PLPPR3: variants seen among roughly 807,000 people sequenced by gnomAD.
PLPPR3 encodes the protein phospholipid phosphatase related 3, also known as phospholipid phosphatase-related protein type 3.
PLPPR3 carries 14 observed loss-of-function variants against 27.3 expected under a neutral mutation model. That is an observed-to-expected ratio of 0.51 (90% CI 0.34 to 0.80). The LOEUF (loss-of-function observed/expected upper bound fraction) is 0.80. Among genes scored for constraint, PLPPR3 ranks in the 30% least tolerant of loss-of-function variants. The pLI is 0.01. For missense variants in PLPPR3, 1,287 were observed against 1,056.9 expected, an observed-to-expected ratio of 1.22 and a Z score of -3.02; for synonymous variants, 671 against 508.0, an observed-to-expected ratio of 1.32 and a Z score of -4.32.
chr19:816,494 C>T (rs1480484964), intron 2 of PLPPR3, among the ~76,000 whole-genome samples: 1 of 150,658 alleles, frequency 6.6e-6, no homozygotes, highest in Non-Finnish European at 1.5e-5. Flanking sequence ...CCCAGCCATT[C>T]ATTCACCCAT....
At chr19:815,410 G>A in intron 3 of PLPPR3, 83 bp from the exon 4 acceptor site, 1 of 1,399,448 alleles carries the variant, frequency 7.1e-7, no homozygotes, top group South Asian at 1.4e-5. Flanking sequence ...AGTGCCCACA[G>A]GCTGGCACAG....
Position 812,849 on chromosome 19 carries a change from G to A in PLPPR3, c.1878C>T (p.Arg626=). The A allele has an allele frequency of 3.5e-6, 4 of 1,144,852 alleles. No homozygotes were observed. Among genetic ancestry groups the A allele is most frequent in the African/African-American group, 1.7e-5 (1 of 59,334 alleles). 70.9% of individuals were successfully genotyped at this position (1,144,852 alleles called of 1,614,324 possible). A position where few individuals can be genotyped will look rare whatever the true frequency, so the allele number is the denominator to read the frequency against. Residue 626 remains arginine, a synonymous_variant, in exon 8 of 8, where the codon CGC becomes CGT. Coordinates refer to ENST00000520876, the MANE Select transcript of PLPPR3 (RefSeq NM_001270366.2). ...DGGYELGDLA[R]GFRGGAKPPG... ...GGGGCTTGGCCCCGCCGCGGAAGCC[G>A]CGCGCCAGGTCCCCCAGCTCGTAGC...
chr19:823,445 A>AAAAACAAAAC (rs1555703839), upstream of PLPPR3, among the ~76,000 whole-genome samples: 5 of 132,790 alleles, frequency 3.8e-5, no homozygotes, highest in African/African-American at 1.7e-4. Flanking sequence ...CTATCTCAAA[A>AAAAACAAAAC]AAAAAAAAAA....
intron 2 of PLPPR3, among the ~76,000 whole-genome samples, chr19:818,961 A>AC (rs1568287013): frequency 9.9e-5 from 6 of 60,608 alleles, no homozygotes; most frequent in African/African-American, 5.2e-4. Context: ...GCTCGGCCTT[A>AC]TTATTATTAT....
chr19:814,530 C>A lies in PLPPR3; in HGVS notation c.735G>T (p.Ala245=), dbSNP rs139356853. ...PILVFAFAIA[A]GVCGLTQITQ... is the part of the protein sequence containing the mutation. ...TGATCTGCGTGAGCCCGCATACGCC[C>A]GCGGCGATGGCAAAGGCGAAGACCA... Residue 245 remains alanine, a synonymous_variant, in exon 7 of 8, where the codon GCG becomes GCT. Coordinates refer to ENST00000520876, the MANE Select transcript of PLPPR3 (RefSeq NM_001270366.2). The A allele has an allele frequency of 4.3e-5, 70 of 1,611,654 alleles. No homozygotes were observed. The highest frequency in any genetic ancestry group is 5.7e-5 in the Non-Finnish European group (67 of 1,179,954).
At chr19:819,562 T>C (rs957478717) in intron 2 of PLPPR3, among the ~76,000 whole-genome samples, 2 of 152,030 alleles carry the variant, frequency 1.3e-5, no homozygotes, top group Admixed American at 6.6e-5. Flanking sequence ...AGTGCTGGGA[T>C]TATAGGTGTG....
At chr19:823,459 C>A (rs200163149), upstream of PLPPR3, among the ~76,000 whole-genome samples, 147 of 88,958 alleles carry the variant, frequency 1.7e-3, no homozygotes, top group Middle Eastern at 6.1e-3. Context: ...AAAAAAAAAA[C>A]AAACAAACAG....
chr19:813,398 C>A lies in PLPPR3; in HGVS notation c.1329G>T (p.Glu443Asp), dbSNP rs971298108. 2.7e-6 allele frequency: 4 copies of A among 1,501,746 alleles called. No individual in the cohort carries two copies. The African/African-American group carries it at 5.7e-5, about 21-fold the overall frequency. The allele number at this position is 1,501,746 out of a possible 1,614,324, so 93.0% of individuals were successfully genotyped here. A position where few individuals can be genotyped will look rare whatever the true frequency, so the allele number is the denominator to read the frequency against. ...CTTCCTCTTCGTCCTCCTCCTCTTC[C>A]TCCTCCTCCGCCATGGGTTCGGCGG... ...RAPAEPMAEE[E>D]EEEEDEEEEE... Residue 443 changes from glutamate to aspartate, a missense_variant, in exon 8 of 8, where the codon GAG becomes GAT. Glu to Asp is a conservative substitution (Grantham distance 45). Transcript: ENST00000520876. The surrounding 1 kb of genome is among the most constrained non-coding windows in gnomAD (Gnocchi z 4.1).
In PLPPR3 at chr19:812,948, C is replaced by T; in HGVS notation, c.1779G>A (p.Val593=). The stretch of plus-strand genomic sequence containing the variant: ...AGGGCGCGCCGCCGGCCGACAGGTG[C>T]ACCACGGGGTGGTGCGGCGCGTGCG... ...IDAHAPHHPV[V]HLSAGGAPWE... is the part of the protein sequence containing the mutation. The change falls in exon 8 of 8, where the codon GTG becomes GTA. Residue 593 remains valine, a synonymous_variant. Coordinates refer to ENST00000520876, the MANE Select transcript of PLPPR3 (RefSeq NM_001270366.2). 7.1e-7 allele frequency: 1 copy of T among 1,401,732 alleles called. No homozygotes were observed. The allele number at this position is 1,401,732 out of a possible 1,614,324, so 86.8% of individuals were successfully genotyped here.
chr19:821,604 C>A lies in PLPPR3; in HGVS notation c.-26-19G>T. The A allele has an allele frequency of 1.5e-6, 2 of 1,363,976 alleles. No individual in the cohort carries two copies. Among genetic ancestry groups the A allele is most frequent in the South Asian group, 2.8e-5 (2 of 72,360 alleles). The allele number at this position is 1,363,976 out of a possible 1,614,324, so 84.5% of individuals were successfully genotyped here. ...GCCGTGGCTGGAGGGGAGAAAGCGGCGCTGGAGGGGGGCGCGCAGGCGGAG... is the reference window on the plus strand; with the variant it reads ...GCCGTGGCTGGAGGGGAGAAAGCGGAGCTGGAGGGGGGCGCGCAGGCGGAG... On this transcript the variant is annotated intron_variant, in intron 1 of 7. Transcript: ENST00000520876.
In PLPPR3 at chr19:813,104, G is replaced by A. The variant is rs2034966355; in HGVS notation, c.1623C>T (p.Ala541=). ...CCGGCGCGCCCGGAGCCTTGGACATGGCGATGACCTGCAGCAGCCGCGGAG... is the reference window on the plus strand; with the variant it reads ...CCGGCGCGCCCGGAGCCTTGGACATAGCGATGACCTGCAGCAGCCGCGGAG... ...ANPPRLLQVI[A]MSKAPGAPGP... Residue 541 remains alanine (A), a synonymous_variant, in exon 8 of 8, where the codon GCC becomes GCT. Coordinates refer to ENST00000520876, the MANE Select transcript of PLPPR3 (RefSeq NM_001270366.2). The surrounding 1 kb of genome is among the most constrained non-coding windows in gnomAD (Gnocchi z 4.1). 1 of 1,502,894 alleles carries A rather than the reference G, an allele frequency of 6.7e-7. No homozygotes were observed. Among genetic ancestry groups the A allele is most frequent in the African/African-American group, 1.5e-5 (1 of 68,696 alleles). 93.1% of individuals were successfully genotyped at this position (1,502,894 alleles called of 1,614,324 possible). A position where few individuals can be genotyped will look rare whatever the true frequency, so the allele number is the denominator to read the frequency against.
upstream of PLPPR3, among the ~76,000 whole-genome samples, chr19:823,402 A>G (rs1438400951): frequency 1.3e-5 from 2 of 149,142 alleles, no homozygotes; most frequent in South Asian, 2.1e-4. Flanking sequence ...AGATGGCACC[A>G]TTGCCCTCCA....
rs546226148 is a variant in PLPPR3, at chr19:815,090, C to T, written c.404-9G>A. 26 of 1,602,512 alleles carry T rather than the reference C, an allele frequency of 1.6e-5. No homozygotes were observed. The highest frequency in any genetic ancestry group is 6.7e-5 in the Admixed American group (4 of 59,886). ...GCCGAACACGTGGACACCTGCAGGG[C>T]GGAAGGCTCGGCCAGGCGGGGAGCT... On this transcript the variant is annotated splice_polypyrimidine_tract_variant and intron_variant, in intron 4 of 7. Transcript: ENST00000520876.
In PLPPR3 at chr19:815,811, A is replaced by AGGATACGAT; in HGVS notation, c.115_116insATCGTATCC (p.Phe38_Leu39insHisArgIle). 2 of 1,612,778 alleles carry AGGATACGAT rather than the reference A, an allele frequency of 1.2e-6. No individual in the cohort carries two copies. Among genetic ancestry groups the AGGATACGAT allele is most frequent in the Non-Finnish European group, 1.7e-6 (2 of 1,179,884 alleles). ...CGGCTTGAAGAGGTCGGTCAGCTCC[A>AGGATACGAT]GGAAGTACAAGGATACGATGGAAGA... On this transcript the variant is annotated inframe_insertion, in exon 3 of 8. Transcript: ENST00000520876.
In PLPPR3 at chr19:815,381, C is replaced by T. The variant is rs1378135553; in HGVS notation, c.262-54G>A. On this transcript the variant is annotated intron_variant, in intron 3 of 7. Transcript: ENST00000520876. ...TCGGTGCCCACAGGGAGGGGGCGCT[C>T]AGGCGGGCTCCCATCTGCAGTGCCC... The T allele has an allele frequency of 4.7e-6, 7 of 1,488,908 alleles. No individual in the cohort carries two copies. In the East Asian group the frequency reaches 1.5e-4, roughly 31 times the overall value. The allele number at this position is 1,488,908 out of a possible 1,614,324, so 92.2% of individuals were successfully genotyped here. A position where few individuals can be genotyped will look rare whatever the true frequency, so the allele number is the denominator to read the frequency against.
At position 815,324 on chromosome 19, in the gene PLPPR3, T is replaced by C. The variant is rs967976702; in HGVS notation, c.265A>G (p.Met89Val). 1.6e-5 allele frequency: 25 copies of C among 1,540,680 alleles called. No homozygotes were observed. Among genetic ancestry groups the C allele is most frequent in the Non-Finnish European group, 2.2e-5 (25 of 1,143,688 alleles). The change falls in exon 4 of 8, where the codon ATG (methionine) becomes GTG (valine). Residue 89 changes from methionine to valine, a missense_variant. Transcript: ENST00000520876. ...CAGTACAACATGCCCTCGGCCACCATGATCTGCCAACAGGGAGGGGGCGCT... is the reference window on the plus strand; with the variant it reads ...CAGTACAACATGCCCTCGGCCACCACGATCTGCCAACAGGGAGGGGGCGCT... Reference protein sequence around the residue: ...LAFAAPAASIMVAEGMLYCLQ... With the variant: ...LAFAAPAASIVVAEGMLYCLQ...
At chr19:821,611 G>T in intron 1 of PLPPR3, 26 bp from the exon 2 acceptor site, 1 of 1,384,488 alleles carries the variant, frequency 7.2e-7, no homozygotes, top group Non-Finnish European at 9.6e-7. Flanking sequence ...CGGCGCTGGA[G>T]GGGGGCGCGC....
At chr19:818,012 C>A (rs2035086914) in intron 2 of PLPPR3, among the ~76,000 whole-genome samples, 1 of 152,250 alleles carries the variant, frequency 6.6e-6, no homozygotes, top group South Asian at 2.1e-4. Flanking sequence ...TCATTATCAG[C>A]ATGATTTTGC....
At chr19:820,434 C>A (rs565162422) in intron 2 of PLPPR3, among the ~76,000 whole-genome samples, 2 of 152,170 alleles carry the variant, frequency 1.3e-5, no homozygotes, top group African/African-American at 4.8e-5. Context: ...ATCCTCCCAC[C>A]TCAGTCTCCC....
Sources: gnomAD v4.1 joint callset for allele counts (sites outside exome capture counted in the v4.1 genomes callset) on GRCh38, gnomAD v4.1.1 for gene constraint, Gnocchi (gnomAD v3.1) non-coding constraint, MANE v1.5 for transcripts, NCBI Gene and HGNC (gene_info 2026-07-23, HGNC 2026-07-21) for gene names.